Variants in GRID1 observed in about 807,000 individuals in gnomAD.
GRID1 encodes the protein glutamate ionotropic receptor delta type subunit 1.
Under a neutral mutation model 98.0 loss-of-function variants are expected in GRID1, and 28 were observed. The ratio of observed to expected loss-of-function variants is 0.29; its 90% CI spans 0.21 to 0.39. The LOEUF is 0.39. Among genes scored for constraint, GRID1 ranks in the 10% least tolerant of loss-of-function variants. The pLI is 1.00. For synonymous variants in GRID1, 553 were observed against 538.5 expected (o/e 1.03, Z -0.37); for missense variants, 1,111 against 1,340.5 (o/e 0.83, Z 2.67).
At chr10:86,268,385 C>T (rs1207695982) in intron 2 of GRID1, among the ~76,000 whole-genome samples, 1 of 152,254 alleles carries the variant, frequency 6.6e-6, no homozygotes, top group Non-Finnish European at 1.5e-5. Flanking sequence ...AGCCTGTTTC[C>T]TGGAGGAAGA....
chr10:85,723,780 T>C (rs1177671526), intron 11 of GRID1, among the ~76,000 whole-genome samples: 2 of 152,212 alleles, frequency 1.3e-5, no homozygotes, highest in Non-Finnish European at 2.9e-5. Flanking sequence ...TCACTGCTTA[T>C]TCTCCTTACA....
At chr10:86,310,150 G>A (rs1847812993) in intron 2 of GRID1, among the ~76,000 whole-genome samples, 1 of 152,210 alleles carries the variant, frequency 6.6e-6, no homozygotes, top group Admixed American at 6.5e-5. Flanking sequence ...TGCTGGCTCT[G>A]ACCTGACCCT....
intron 5 of GRID1, among the ~76,000 whole-genome samples, chr10:85,879,385 A>T (rs185913371): frequency 6.6e-6 from 1 of 152,358 alleles, no homozygotes; most frequent in Non-Finnish European, 1.5e-5. Flanking sequence ...AGCACTCCTC[A>T]ACAAATGTAA....
chr10:86,119,007 C>CAAACA (rs1263813214), intron 4 of GRID1, among the ~76,000 whole-genome samples: 4 of 152,152 alleles, frequency 2.6e-5, no homozygotes, highest in South Asian at 2.1e-4. Flanking sequence ...GATCCTAAGA[C>CAAACA]AAACAAAACA....
chr10:85,797,024 A>G (rs911219215), intron 8 of GRID1, among the ~76,000 whole-genome samples: 1 of 152,198 alleles, frequency 6.6e-6, no homozygotes, highest in Non-Finnish European at 1.5e-5. Flanking sequence ...GTGATAAAAT[A>G]CCTGGAAAAT....
chr10:85,697,858 G>T (rs1210036210), intron 12 of GRID1, among the ~76,000 whole-genome samples: 2 of 152,084 alleles, frequency 1.3e-5, no homozygotes, highest in Admixed American at 6.6e-5. Context: ...GTCATATACG[G>T]ATTCTGATCC....
intron 12 of GRID1, among the ~76,000 whole-genome samples, chr10:85,679,143 T>G (rs957472066): frequency 2.0e-5 from 3 of 152,128 alleles, no homozygotes; most frequent in African/African-American, 7.2e-5. Flanking sequence ...GAGGCAGAGT[T>G]TCAGAAGCCT....
At chr10:85,966,111 T>C (rs1219538232) in intron 4 of GRID1, among the ~76,000 whole-genome samples, 1 of 152,160 alleles carries the variant, frequency 6.6e-6, no homozygotes, top group Non-Finnish European at 1.5e-5. Context: ...ATGCACACGG[T>C]GTTGTCATTA....
rs566772335 is a variant in GRID1, at chr10:86,152,374, C to T, written c.521-13350G>A. 7.2e-5 allele frequency among the ~76,000 whole-genome samples: 11 copies of T among 152,300 alleles called. No homozygotes were observed. The South Asian group carries it at 1.0e-3, about 14-fold the overall frequency. Reference sequence around the variant, plus strand: ...AAAACCCTGAGACCAGGGCCTAGGGCCCAGCCATGCCAAGCCCACCACTCC... The same window carrying T: ...AAAACCCTGAGACCAGGGCCTAGGGTCCAGCCATGCCAAGCCCACCACTCC... On this transcript the variant is annotated intron_variant, in intron 3 of 15. Coordinates refer to ENST00000327946, the MANE Select transcript of GRID1 (RefSeq NM_017551.3).
At chr10:85,754,562 CCAAA>C (rs1296732504) in intron 8 of GRID1, among the ~76,000 whole-genome samples, 5 of 152,012 alleles carry the variant, frequency 3.3e-5, no homozygotes, top group African/African-American at 7.2e-5. Context: ...TAGAATTTCC[CCAAA>C]CAGAGACTTA....
chr10:86,305,111 A>G (rs999425961), intron 2 of GRID1, among the ~76,000 whole-genome samples: 6 of 151,856 alleles, frequency 4.0e-5, no homozygotes, highest in Admixed American at 3.9e-4. Flanking sequence ...GCTTAAGGAA[A>G]AAAAAAAAAA....
Position 86,366,463 on chromosome 10 carries a change from C to T in GRID1, c.-71G>A. ...GAGGGCAGCGCGAAGCGGGGAGGCG[C>T]TGGTCCCGGTGCAGTCCCGGGCCGC... On this transcript the variant is annotated 5_prime_UTR_variant, in exon 1 of 16. Coordinates refer to ENST00000327946, the MANE Select transcript of GRID1 (RefSeq NM_017551.3). The surrounding 1 kb of genome is among the most constrained non-coding windows in gnomAD (Gnocchi z 4.1). 1 of 1,165,868 alleles carries T rather than the reference C, an allele frequency of 8.6e-7. No individual in the cohort carries two copies. Among genetic ancestry groups the T allele is most frequent in the Admixed American group, 2.6e-5 (1 of 37,820 alleles). 72.2% of individuals were successfully genotyped at this position (1,165,868 alleles called of 1,614,324 possible).
At chr10:86,348,630 G>A (rs760761823) in intron 2 of GRID1, among the ~76,000 whole-genome samples, 1 of 152,222 alleles carries the variant, frequency 6.6e-6, no homozygotes, top group African/African-American at 2.4e-5. Flanking sequence ...GCCAGTGCCT[G>A]GACTGGCATG....
chr10:85,689,964 A>C (rs1445615920), intron 12 of GRID1, among the ~76,000 whole-genome samples: 1 of 152,162 alleles, frequency 6.6e-6, no homozygotes, highest in African/African-American at 2.4e-5. Flanking sequence ...TCAACCAATC[A>C]AGAGTTAAAC....
intron 8 of GRID1, among the ~76,000 whole-genome samples, chr10:85,756,339 A>C (rs962905984): frequency 3.9e-5 from 6 of 151,964 alleles, no homozygotes; most frequent in African/African-American, 1.5e-4. Flanking sequence ...TTTCCTTATT[A>C]TGTCTAGAGC....
At chr10:85,903,458 C>T (rs72842954) in intron 5 of GRID1, among the ~76,000 whole-genome samples, 6,316 of 152,220 alleles carry the variant, frequency 0.041, 295 homozygotes, top group East Asian at 0.19. Context: ...GTCCAAACCA[C>T]CACCCTTCCT....
intron 4 of GRID1, among the ~76,000 whole-genome samples, chr10:85,973,104 G>C (rs188871080): frequency 6.6e-6 from 1 of 152,164 alleles, no homozygotes; most frequent in African/African-American, 2.4e-5. Context: ...TATTCATTCC[G>C]ATGTCACTTG....
chr10:85,862,990 A>C (rs922031355), intron 6 of GRID1, among the ~76,000 whole-genome samples: 2 of 152,128 alleles, frequency 1.3e-5, no homozygotes, highest in African/African-American at 4.8e-5. Context: ...AGGGGCTTCA[A>C]AGGCTGAATC....
chr10:85,609,366 C>T (rs2175201), intron 15 of GRID1, among the ~76,000 whole-genome samples: 53,468 of 152,106 alleles, frequency 0.35, 9,525 homozygotes, highest in Middle Eastern at 0.52. Context: ...AACAACCAAG[C>T]GTGTCTCTGG....
Sources: allele counts gnomAD v4.1 joint callset (sites outside exome capture counted in the v4.1 genomes callset), GRCh38; gene constraint gnomAD v4.1.1; non-coding constraint Gnocchi (gnomAD v3.1); transcripts MANE v1.5; gene names NCBI Gene and HGNC (gene_info 2026-07-23, HGNC 2026-07-21).